CTNND2: variants seen among roughly 807,000 people sequenced by gnomAD.
The protein encoded by CTNND2 is catenin delta 2, also known as catenin delta-2.
In CTNND2, 22 loss-of-function variants were observed where a neutral mutation model predicts 144.4. The ratio of observed to expected loss-of-function variants is 0.15; its 90% CI spans 0.11 to 0.22. The LOEUF is 0.22. Among genes scored for constraint, CTNND2 ranks in the 10% least tolerant of loss-of-function variants. The pLI is 1.00. For synonymous variants in CTNND2, 751 were observed against 695.6 expected (o/e 1.08, Z -1.25); for missense variants, 1,353 against 1,618.8 (o/e 0.84, Z 2.82).
intron 1 of CTNND2, among the ~76,000 whole-genome samples, chr5:11,757,217 A>G (rs1022191214): frequency 6.6e-6 from 1 of 151,478 alleles, no homozygotes; most frequent in African/African-American, 2.4e-5. Context: ...CAAAAATGTG[A>G]TGATGCTATA....
rs765387726 is a variant in CTNND2, at chr5:10,973,489, C to T, written c.3642G>A (p.Thr1214=). Residue 1214 remains threonine (T), a synonymous_variant, in exon 22 of 22, where the codon ACG becomes ACA. Coordinates refer to ENST00000304623, the MANE Select transcript of CTNND2 (RefSeq NM_001332.4). The surrounding 1 kb of genome is among the most constrained non-coding windows in gnomAD (Gnocchi z 5.6). ...AGTCGGGGGAGGCCGGGTAGTGGCTCGTTTCATAGTTCAGTTCACTGTAGG... is the reference window on the plus strand; with the variant it reads ...AGTCGGGGGAGGCCGGGTAGTGGCTTGTTTCATAGTTCAGTTCACTGTAGG... ...ARPYSELNYE[T]SHYPASPDSW... 5.0e-6 allele frequency: 8 copies of T among 1,602,224 alleles called. No individual in the cohort carries two copies. Among genetic ancestry groups the T allele is most frequent in the Middle Eastern group, 1.7e-4 (1 of 6,044 alleles).
intron 5 of CTNND2, among the ~76,000 whole-genome samples, chr5:11,406,536 C>T (rs1385745578): frequency 1.3e-5 from 2 of 152,180 alleles, no homozygotes; most frequent in African/African-American, 2.4e-5. Flanking sequence ...ACATTCACTT[C>T]ACAAGGATGC....
At chr5:11,677,864 G>A (rs773718474) in intron 2 of CTNND2, among the ~76,000 whole-genome samples, 2 of 152,146 alleles carry the variant, frequency 1.3e-5, no homozygotes, top group Non-Finnish European at 2.9e-5. Context: ...TGGCAAAGGT[G>A]ATGTGAATCT....
At chr5:11,837,887 C>T (rs1163943473) in intron 1 of CTNND2, among the ~76,000 whole-genome samples, 2 of 152,062 alleles carry the variant, frequency 1.3e-5, no homozygotes, top group African/African-American at 4.8e-5. Context: ...GAAATCAATT[C>T]TGAAAACAAT....
At chr5:11,871,503 A>G (rs1329430683) in intron 1 of CTNND2, among the ~76,000 whole-genome samples, 2 of 152,224 alleles carry the variant, frequency 1.3e-5, no homozygotes, top group African/African-American at 4.8e-5. Context: ...AAGAGCTATC[A>G]TATTAGAGGC....
At chr5:11,327,660 G>A (rs1038832055) in intron 9 of CTNND2, among the ~76,000 whole-genome samples, 2 of 152,176 alleles carry the variant, frequency 1.3e-5, no homozygotes, top group African/African-American at 4.8e-5. Context: ...TCAAACAGGA[G>A]TAACATCATA....
chr5:11,726,911 T>C (rs959188952), intron 2 of CTNND2, among the ~76,000 whole-genome samples: 4 of 152,208 alleles, frequency 2.6e-5, no homozygotes, highest in African/African-American at 9.6e-5. Flanking sequence ...AAACTGAAAC[T>C]AAGGAAAATA....
At chr5:11,353,331 C>T (rs1320719207) in intron 8 of CTNND2, among the ~76,000 whole-genome samples, 3 of 152,116 alleles carry the variant, frequency 2.0e-5, no homozygotes, top group Non-Finnish European at 4.4e-5. Context: ...CCAGGGTCTG[C>T]GTGTTTTACC....
intron 2 of CTNND2, among the ~76,000 whole-genome samples, chr5:11,663,696 CA>C (rs1250196461): frequency 6.6e-6 from 1 of 152,010 alleles, no homozygotes; most frequent in Non-Finnish European, 1.5e-5. Flanking sequence ...TTTCCCAATA[CA>C]AAGACTGTAT....
Position 11,703,637 on chromosome 5 carries a change from T to A in CTNND2, c.174+28499A>T, listed in dbSNP as rs555742474. 2.0e-5 allele frequency among the ~76,000 whole-genome samples: 3 copies of A among 152,348 alleles called. No homozygotes were observed. In the East Asian group the frequency reaches 5.8e-4, roughly 29 times the overall value. ...AGTTATTGCAAGATTTAGAGTGGAATAAAATATTGTCTCTGCCCTCAGGGA... is the reference window on the plus strand; with the variant it reads ...AGTTATTGCAAGATTTAGAGTGGAAAAAAATATTGTCTCTGCCCTCAGGGA... On this transcript the variant is annotated intron_variant, in intron 2 of 21. Coordinates refer to ENST00000304623, the MANE Select transcript of CTNND2 (RefSeq NM_001332.4).
chr5:11,299,182 T>C (rs931918760), intron 9 of CTNND2, among the ~76,000 whole-genome samples: 4 of 152,184 alleles, frequency 2.6e-5, no homozygotes, highest in Non-Finnish European at 5.9e-5. Flanking sequence ...TGTTTTGTTT[T>C]CCTAGCTGTT....
chr5:11,327,312 T>C (rs1752629857), intron 9 of CTNND2, among the ~76,000 whole-genome samples: 1 of 151,786 alleles, frequency 6.6e-6, no homozygotes, highest in Non-Finnish European at 1.5e-5. Flanking sequence ...AAAGGCTCAG[T>C]GGGAGAAAAA....
At chr5:11,638,832 G>A (rs1469435) in intron 2 of CTNND2, among the ~76,000 whole-genome samples, 7 of 152,300 alleles carry the variant, frequency 4.6e-5, no homozygotes, top group African/African-American at 7.2e-5. Flanking sequence ...CCTCAGCCCC[G>A]CAAAGTGCTA....
chr5:11,314,661 C>T (rs1184842088), intron 9 of CTNND2, among the ~76,000 whole-genome samples: 1 of 152,252 alleles, frequency 6.6e-6, no homozygotes, highest in Non-Finnish European at 1.5e-5. Context: ...GCCACTGCAC[C>T]TGGCCCAGAC....
chr5:11,708,104 T>C (rs1423056002), intron 2 of CTNND2, among the ~76,000 whole-genome samples: 6 of 151,804 alleles, frequency 4.0e-5, no homozygotes, highest in African/African-American at 1.5e-4. Context: ...TGGAGTTCAG[T>C]GGTGTGTTCT....
At chr5:11,725,699 T>C (rs115799926) in intron 2 of CTNND2, among the ~76,000 whole-genome samples, 1 of 152,338 alleles carries the variant, frequency 6.6e-6, no homozygotes, top group Non-Finnish European at 1.5e-5. Flanking sequence ...GAAAAATATA[T>C]GATTTAATTA....
At chr5:11,755,987 T>C (rs1299170524) in intron 1 of CTNND2, among the ~76,000 whole-genome samples, 2 of 151,622 alleles carry the variant, frequency 1.3e-5, no homozygotes, top group Admixed American at 1.3e-4. Context: ...GAAGAACTAG[T>C]GTGGTCATGT....
intron 5 of CTNND2, among the ~76,000 whole-genome samples, chr5:11,408,997 C>G (rs1232415105): frequency 6.6e-6 from 1 of 151,768 alleles, no homozygotes. Context: ...ATTTATTTAC[C>G]TCTTTTAAGA....
At chr5:11,730,500 C>A (rs1787325843) in intron 2 of CTNND2, among the ~76,000 whole-genome samples, 1 of 152,134 alleles carries the variant, frequency 6.6e-6, no homozygotes, top group African/African-American at 2.4e-5. Context: ...AGAGACCATT[C>A]TTTTTTGGGC....
Sources: allele counts gnomAD v4.1 joint callset (sites outside exome capture counted in the v4.1 genomes callset), GRCh38; gene constraint gnomAD v4.1.1; non-coding constraint Gnocchi (gnomAD v3.1); transcripts MANE v1.5; gene names NCBI Gene and HGNC (gene_info 2026-07-23, HGNC 2026-07-21).